The following SENP7 variants were observed in gnomAD, a reference collection of about 807,000 sequenced individuals.
The protein encoded by SENP7 is SUMO specific peptidase 7.
Under a neutral mutation model 141.2 loss-of-function variants are expected in SENP7, and 64 were observed. The observed-to-expected ratio is 0.45, with a 90% CI of 0.37 to 0.56. The LOEUF is 0.56. SENP7 is among the 20% of genes least tolerant of loss of function. The pLI, the probability that SENP7 is intolerant of heterozygous loss-of-function variation, is 0.00. For synonymous variants in SENP7, 382 were observed against 426.4 expected (o/e 0.90, Z 1.28); for missense variants, 1,025 against 1,212.2 (o/e 0.85, Z 2.29).
rs147590355 is a variant in SENP7 at position 101,497,294 on chromosome 3, A to C, written c.91-3326T>G. Among the ~76,000 whole-genome samples the C allele has an allele frequency of 5.9e-5, 9 of 152,326 alleles. No individual in the cohort carries two copies. The East Asian group carries it at 1.7e-3, about 29-fold the overall frequency. On this transcript the variant is annotated intron_variant, in intron 2 of 23. Coordinates refer to ENST00000394095, the MANE Select transcript of SENP7 (RefSeq NM_020654.5). ...TAGACATATGTATGTTGTATGTGTG[A>C]ACATATATTTTTCTAGTCTTGTCTG...
intron 11 of SENP7, chr3:101,358,118 C>T (rs2059793078): frequency 1.9e-6 from 1 of 522,958 alleles, no homozygotes; most frequent in Admixed American, 3.1e-5. Flanking sequence ...AAAATTTTAA[C>T]TGTTCCTCAA....
chr3:101,453,594 T>C (rs1176542458), intron 4 of SENP7, among the ~76,000 whole-genome samples: 1 of 151,930 alleles, frequency 6.6e-6, no homozygotes, highest in Non-Finnish European at 1.5e-5. Flanking sequence ...GAAACCATCA[T>C]TCTCAGTAAA....
chr3:101,352,947 G>A (rs2059649545), intron 11 of SENP7, among the ~76,000 whole-genome samples: 1 of 151,954 alleles, frequency 6.6e-6, no homozygotes, highest in Non-Finnish European at 1.5e-5. Context: ...TAAAAGCTGA[G>A]CTTGGAGTTA....
chr3:101,391,602 TATCAACAAAGAAAAGCCCA>T (rs2060818386), intron 6 of SENP7, among the ~76,000 whole-genome samples: 1 of 152,142 alleles, frequency 6.6e-6, no homozygotes, highest in Admixed American at 6.5e-5. Context: ...ATAAAAGGTC[TATCAACAAAGAAAAGCCCA>T]GGACTGGACG....
chr3:101,438,837 C>CT (rs2062494871), intron 4 of SENP7, among the ~76,000 whole-genome samples: 2 of 152,022 alleles, frequency 1.3e-5, no homozygotes, highest in Non-Finnish European at 2.9e-5. Context: ...CCGGCGAGCG[C>CT]CGCCCGGGAG....
At chr3:101,488,729 C>G (rs1325040370) in intron 3 of SENP7, among the ~76,000 whole-genome samples, 1 of 152,180 alleles carries the variant, frequency 6.6e-6, no homozygotes, top group Non-Finnish European at 1.5e-5. Context: ...GTAGTCCCAG[C>G]TACTTGGGAG....
In SENP7 at chr3:101,458,996, A is replaced by G; in HGVS notation, c.243T>C (p.His81=). Residue 81 remains histidine, a synonymous_variant, in exon 4 of 24, where the codon CAT becomes CAC. Transcript: ENST00000394095. ...VISLDHKNKK[H]IRGCPVTSKS... is the part of the protein sequence containing the mutation. ...TGGAAGTAACAGGACACCCTCGGATATGTTTTTTATTTTTATGGTCTAGAG... is the reference window on the plus strand; with the variant it reads ...TGGAAGTAACAGGACACCCTCGGATGTGTTTTTTATTTTTATGGTCTAGAG... 6.2e-7 allele frequency: 1 copy of G among 1,610,406 alleles called. No individual in the cohort carries two copies. Among genetic ancestry groups the G allele is most frequent in the Middle Eastern group, 1.7e-4 (1 of 6,048 alleles).
intron 17 of SENP7, among the ~76,000 whole-genome samples, chr3:101,336,530 T>C (rs1375988199): frequency 6.6e-6 from 1 of 152,304 alleles, no homozygotes; most frequent in Non-Finnish European, 1.5e-5. Context: ...CTTCCTCATA[T>C]GAAAAATTGG....
rs55855998 is a variant in SENP7 at position 101,499,535 on chromosome 3, A to ATTTTTTTTTTTTTTT, written c.90+1534_90+1535insAAAAAAAAAAAAAAA. 1.3e-3 allele frequency among the ~76,000 whole-genome samples: 180 copies of ATTTTTTTTTTTTTTT among 138,704 alleles called. 1 individual carries two copies. Among genetic ancestry groups the ATTTTTTTTTTTTTTT allele is most frequent in the Middle Eastern group, 7.6e-3 (2 of 262 alleles). The allele number at this position is 138,704 out of a possible 152,430, so 91.0% of individuals were successfully genotyped here. A position where few individuals can be genotyped will look rare whatever the true frequency, so the allele number is the denominator to read the frequency against. On this transcript the variant is annotated intron_variant, in intron 2 of 23. Transcript: ENST00000394095. The stretch of plus-strand genomic sequence containing the variant: ...AGGCACCTGCCATCATGCCCAGCTA[A>ATTTTTTTTTTTTTTT]TTTTTTTTTTTTTTCTTGGAGACAG...
At chr3:101,481,509 A>G (rs1323796587) in intron 3 of SENP7, among the ~76,000 whole-genome samples, 1 of 152,122 alleles carries the variant, frequency 6.6e-6, no homozygotes, top group Non-Finnish European at 1.5e-5. Context: ...AGAGGTCACA[A>G]TGGAGAGAGG....
chr3:101,365,122 C>T (rs2060001088), intron 9 of SENP7, 131 bp from the exon 10 acceptor site: 1 of 463,132 alleles, frequency 2.2e-6, no homozygotes, highest in Non-Finnish European at 3.5e-6. Flanking sequence ...CCTACCTCAG[C>T]CTCCCGAGTA....
chr3:101,442,504 CA>C (rs1234785527), intron 4 of SENP7, among the ~76,000 whole-genome samples: 1 of 152,188 alleles, frequency 6.6e-6, no homozygotes, highest in Non-Finnish European at 1.5e-5. Context: ...AATATTCACT[CA>C]CCTGCCACCC....
At chr3:101,472,512 G>A (rs1576458774) in intron 3 of SENP7, among the ~76,000 whole-genome samples, 1 of 152,108 alleles carries the variant, frequency 6.6e-6, no homozygotes, top group Non-Finnish European at 1.5e-5. Flanking sequence ...GGGGTGGGGA[G>A]CTGGGGGAGG....
chr3:101,467,674 G>C (rs746008583), intron 3 of SENP7, among the ~76,000 whole-genome samples: 3 of 151,788 alleles, frequency 2.0e-5, no homozygotes, highest in Non-Finnish European at 4.4e-5. Flanking sequence ...TCAACAAAAA[G>C]GTCATCTACA....
chr3:101,447,085 C>G (rs920087683), intron 4 of SENP7, among the ~76,000 whole-genome samples: 2 of 152,086 alleles, frequency 1.3e-5, no homozygotes, highest in Admixed American at 1.3e-4. Context: ...TACAAAGGAT[C>G]ATTAGACACT....
chr3:101,434,126 G>A (rs938575218), intron 4 of SENP7, among the ~76,000 whole-genome samples: 14 of 151,940 alleles, frequency 9.2e-5, no homozygotes, highest in African/African-American at 3.1e-4. Context: ...ATAACAAGAG[G>A]AATTTTAGAT....
intron 5 of SENP7, among the ~76,000 whole-genome samples, chr3:101,401,252 G>A (rs2107589196): frequency 6.6e-6 from 1 of 152,210 alleles, no homozygotes; most frequent in African/African-American, 2.4e-5. Flanking sequence ...CTCCTGGCCA[G>A]GTGCAGTGGC....
intron 19 of SENP7, among the ~76,000 whole-genome samples, chr3:101,330,972 C>G (rs923719784): frequency 6.6e-6 from 1 of 151,876 alleles, no homozygotes; most frequent in Non-Finnish European, 1.5e-5. Context: ...TAAGAAAACT[C>G]GTGGAAGAAT....
chr3:101,361,571 A>G (rs543191352), intron 11 of SENP7, 144 bp downstream of exon 11: 1 of 823,180 alleles, frequency 1.2e-6, no homozygotes, highest in Non-Finnish European at 1.7e-6. Flanking sequence ...CAAATTAGGT[A>G]TAATGACTTT....
Sources: gnomAD v4.1 joint callset for allele counts (sites outside exome capture counted in the v4.1 genomes callset) on GRCh38, gnomAD v4.1.1 for gene constraint, MANE v1.5 for transcripts, NCBI Gene and HGNC (gene_info 2026-07-23, HGNC 2026-07-21) for gene names.